The following PDE11A variants were observed in gnomAD, a reference collection of about 807,000 sequenced individuals.
The protein encoded by PDE11A is dual 3',5'-cyclic-AMP and -GMP phosphodiesterase 11A.
PDE11A carries 100 observed loss-of-function variants against 100.5 expected under a neutral mutation model. The ratio of observed to expected loss-of-function variants is 1.00; its 90% CI spans 0.85 to 1.18. The LOEUF (loss-of-function observed/expected upper bound fraction) is 1.18, where lower values mean the gene tolerates loss of function less well. Ranked by LOEUF, PDE11A falls within the 50% of genes most tolerant of loss-of-function variation. PDE11A has a pLI of 0.00. For synonymous variants in PDE11A, 381 were observed against 420.8 expected (o/e 0.91, Z 1.16); for missense variants, 1,141 against 1,152.6 (o/e 0.99, Z 0.15).
intron 12 of PDE11A, among the ~76,000 whole-genome samples, chr2:177,713,096 C>T (rs535304334): frequency 6.6e-6 from 1 of 152,228 alleles, no homozygotes; most frequent in East Asian, 1.9e-4. Context: ...GCAACCTCTG[C>T]CTCCTGGGTT....
At chr2:177,725,533 T>C (rs1265753260) in intron 12 of PDE11A, among the ~76,000 whole-genome samples, 2 of 152,154 alleles carry the variant, frequency 1.3e-5, no homozygotes, top group Admixed American at 6.6e-5. Flanking sequence ...CTCCTCTTTC[T>C]GTGTTAGCAT....
chr2:177,996,224 T>C (rs936324161), intron 2 of PDE11A, among the ~76,000 whole-genome samples: 1 of 61,460 alleles, frequency 1.6e-5, no homozygotes, highest in Admixed American at 2.6e-4. Flanking sequence ...TGAAACTCCG[T>C]CTCAAATAAA....
chr2:177,949,996 C>T (rs2085487385), intron 2 of PDE11A, among the ~76,000 whole-genome samples: 2 of 152,128 alleles, frequency 1.3e-5, no homozygotes, highest in Middle Eastern at 3.2e-3. Context: ...TTGTTGAGAA[C>T]ATGATATAAC....
At position 178,050,073 on chromosome 2, in the gene PDE11A, G is replaced by A. The variant is rs112263192; in HGVS notation, c.912+21453C>T. On this transcript the variant is annotated intron_variant, in intron 1 of 19. Coordinates refer to ENST00000286063, the MANE Select transcript of PDE11A (RefSeq NM_016953.4). ...CTCCTAAAGTGGCTTCCTGACCCCC[G>A]AGTAGCCTAACTGGGAGGCGCCTCC... Among the ~76,000 whole-genome samples the A allele has an allele frequency of 7.3e-3, 1,112 of 152,066 alleles. 10 individuals are homozygous for A. The highest frequency in any genetic ancestry group is 0.025 in the African/African-American group (1,045 of 41,490).
At chr2:177,910,385 C>T (rs1170571940) in intron 2 of PDE11A, among the ~76,000 whole-genome samples, 1 of 150,696 alleles carries the variant, frequency 6.6e-6, no homozygotes, top group Non-Finnish European at 1.5e-5. Flanking sequence ...TTTTCAGTCC[C>T]AGTGTTACAG....
At chr2:178,064,015 A>T (rs544868649) in intron 1 of PDE11A, among the ~76,000 whole-genome samples, 33 of 152,246 alleles carry the variant, frequency 2.2e-4, no homozygotes, top group Non-Finnish European at 4.0e-4. Context: ...GACTTTATCC[A>T]TTGGAAAATG....
intron 9 of PDE11A, among the ~76,000 whole-genome samples, chr2:177,781,289 G>T (rs149870446): frequency 1.2e-4 from 19 of 152,310 alleles, no homozygotes; most frequent in Non-Finnish European, 2.1e-4. Context: ...ACAGTTCATA[G>T]TGCCCCAAAG....
chr2:177,836,656 C>T (rs1255668644), intron 6 of PDE11A, among the ~76,000 whole-genome samples: 1 of 152,214 alleles, frequency 6.6e-6, no homozygotes, highest in Non-Finnish European at 1.5e-5. Context: ...TGCTGCTGCT[C>T]ACTCTTTGGG....
intron 6 of PDE11A, among the ~76,000 whole-genome samples, chr2:177,823,645 A>G (rs2083180180): frequency 6.6e-6 from 1 of 152,102 alleles, no homozygotes. Context: ...GTTATCTTCC[A>G]AAAAAACAAA....
intron 10 of PDE11A, among the ~76,000 whole-genome samples, chr2:177,762,138 G>A (rs77570566): frequency 0.015 from 2,236 of 152,206 alleles, 41 homozygotes; most frequent in East Asian, 0.046. Flanking sequence ...CAGAATGGAC[G>A]GGACTGCATG....
rs868521003 is a variant in PDE11A, at chr2:177,628,203, A to G, written c.*1204T>C. 6.5e-6 allele frequency: 1 copy of G among 152,682 alleles called. No homozygotes were observed. Among genetic ancestry groups the G allele is most frequent in the African/African-American group, 2.4e-5 (1 of 41,462 alleles). 9.5% of individuals were successfully genotyped at this position (152,682 alleles called of 1,614,324 possible). ...ATAAGGAAACAAGCTTGTAGAAGTT[A>G]AGTGACTTGTTCAAGTCAATCCAGT... On this transcript the variant is annotated 3_prime_UTR_variant, in exon 20 of 20. Transcript: ENST00000286063.
chr2:177,816,198 C>A (rs569879465), intron 9 of PDE11A, among the ~76,000 whole-genome samples: 1 of 151,412 alleles, frequency 6.6e-6, no homozygotes, highest in Admixed American at 6.6e-5. Flanking sequence ...GCAAAAAAAA[C>A]AAAAACAAAA....
chr2:177,802,477 G>A (rs1384320244), intron 9 of PDE11A, among the ~76,000 whole-genome samples: 1 of 151,966 alleles, frequency 6.6e-6, no homozygotes, highest in African/African-American at 2.4e-5. Flanking sequence ...GAGGAGAATG[G>A]ATAAACTATG....
rs1225202589 is a variant in PDE11A at position 177,636,283 on chromosome 2, C to A, written c.2647-6721G>T. ...CTCTCTTCTCTGTATACTCCAGATG[C>A]TAATTTCTACACAGTACACTTGGTA... On this transcript the variant is annotated intron_variant, in intron 19 of 19. Transcript: ENST00000286063. Among the ~76,000 whole-genome samples the A allele has an allele frequency of 2.6e-5, 4 of 152,118 alleles. No homozygotes were observed. The East Asian group carries it at 7.7e-4, about 29-fold the overall frequency.
At chr2:177,910,691 A>C (rs1279219323) in intron 2 of PDE11A, among the ~76,000 whole-genome samples, 3 of 152,190 alleles carry the variant, frequency 2.0e-5, no homozygotes, top group African/African-American at 7.2e-5. Flanking sequence ...AAGAGAGTTA[A>C]ACTGAAAATC....
At chr2:177,953,862 A>G (rs1228043949) in intron 2 of PDE11A, among the ~76,000 whole-genome samples, 2 of 152,164 alleles carry the variant, frequency 1.3e-5, no homozygotes, top group Non-Finnish European at 2.9e-5. Flanking sequence ...TCTCCTTTAG[A>G]AAAGGATAGT....
intron 12 of PDE11A, among the ~76,000 whole-genome samples, chr2:177,718,293 T>C (rs1351083971): frequency 6.6e-6 from 1 of 152,178 alleles, no homozygotes. Flanking sequence ...GTAAGAGAGG[T>C]GGGATAAAAG....
At chr2:177,731,845 C>T (rs141489629) in intron 10 of PDE11A, among the ~76,000 whole-genome samples, 2 of 152,222 alleles carry the variant, frequency 1.3e-5, no homozygotes, top group Admixed American at 6.5e-5. Flanking sequence ...TGCTAAATTA[C>T]TTTCTATTCA....
intron 13 of PDE11A, among the ~76,000 whole-genome samples, chr2:177,708,825 A>G (rs951845274): frequency 6.6e-6 from 1 of 152,232 alleles, no homozygotes; most frequent in Non-Finnish European, 1.5e-5. Context: ...GTACATGCCA[A>G]ATAAGAAGGG....
Sources: gnomAD v4.1 joint callset for allele counts (sites outside exome capture counted in the v4.1 genomes callset) on GRCh38, gnomAD v4.1.1 for gene constraint, MANE v1.5 for transcripts, NCBI Gene and HGNC (gene_info 2026-07-23, HGNC 2026-07-21) for gene names.